FAT1: variants seen among roughly 807,000 people sequenced by gnomAD.
FAT1 encodes the protein FAT atypical cadherin 1.
In FAT1, 171 loss-of-function variants were observed where a neutral mutation model predicts 329.8. That is an observed-to-expected ratio of 0.52 (90% CI 0.46 to 0.59). The LOEUF (loss-of-function observed/expected upper bound fraction) is 0.59. Among genes scored for constraint, FAT1 ranks in the 20% least tolerant of loss-of-function variants. The pLI is 0.00. For missense variants in FAT1, 5,672 were observed against 5,774.4 expected (o/e 0.98, Z 0.57); for synonymous variants, 2,233 against 2,228.6 (o/e 1.00, Z -0.06).
chr4:186,660,248 T>C (rs115472023), intron 3 of FAT1, among the ~76,000 whole-genome samples: 4,598 of 152,242 alleles, frequency 0.03, 226 homozygotes, highest in African/African-American at 0.11. Flanking sequence ...GGGAACAGTC[T>C]GCTTTAAAGG....
intron 20 of FAT1, among the ~76,000 whole-genome samples, chr4:186,602,556 T>C (rs1229812092): frequency 6.6e-6 from 1 of 152,216 alleles, no homozygotes; most frequent in Non-Finnish European, 1.5e-5. Context: ...CTCTTTACCA[T>C]ACTGCTAAGT....
rs2126400031 is a variant in FAT1 at position 186,597,779 on chromosome 4, G to T, written c.12271C>A (p.Pro4091Thr). 1 of 1,613,312 alleles carries T rather than the reference G, an allele frequency of 6.2e-7. No homozygotes were observed. Among genetic ancestry groups the T allele is most frequent in the South Asian group, 1.1e-5 (1 of 91,052 alleles). ...TTACAGGGTTCATCTTTGCAGTATG[G>T]ACTAAGCTGACACCTGAAGAGTAAG... ...LYTGQRCQLS[P>T]YCKDEPCKNG... is the part of the protein sequence containing the mutation. Residue 4091 changes from proline to threonine, a missense_variant, in exon 24 of 27, where the codon CCA becomes ACA. Physicochemically the swap from Pro to Thr is conservative, Grantham distance 38. Around this residue, in one of 2 missense-constraint regions of FAT1, gnomAD observed 1,706 missense variants for 1,859.1 expected, o/e 0.92. Transcript: ENST00000441802.
At chr4:186,659,260 C>T (rs1037082779) in intron 3 of FAT1, among the ~76,000 whole-genome samples, 12 of 152,268 alleles carry the variant, frequency 7.9e-5, no homozygotes, top group Admixed American at 4.6e-4. Flanking sequence ...GTCCACACAA[C>T]GACAAAATCG....
chr4:186,602,610 A>C (rs981665605), intron 20 of FAT1, among the ~76,000 whole-genome samples: 2 of 152,098 alleles, frequency 1.3e-5, no homozygotes, highest in African/African-American at 4.8e-5. Flanking sequence ...AGATATGATC[A>C]CTCTTGAATT....
chr4:186,625,947 AGAAT>A (rs1219153436), intron 9 of FAT1, among the ~76,000 whole-genome samples: 9 of 151,340 alleles, frequency 5.9e-5, no homozygotes, highest in African/African-American at 2.2e-4. Context: ...ACCAGCCCAC[AGAAT>A]GAATGAATGA....
chr4:186,649,729 C>T (rs1475967227), intron 3 of FAT1, among the ~76,000 whole-genome samples: 3 of 152,060 alleles, frequency 2.0e-5, no homozygotes, highest in South Asian at 2.1e-4. Flanking sequence ...CCTCCAGAAC[C>T]GCGACAGAAT....
In FAT1 at chr4:186,611,657, T is replaced by C. The variant is rs369191197; in HGVS notation, c.9582A>G (p.Val3194=). The change falls in exon 14 of 27, where the codon GTA becomes GTG. Residue 3194 remains valine, a synonymous_variant. Transcript: ENST00000441802. Reference sequence around the variant, plus strand: ...CCACAGCTTTCAAAGAGAGGGTGTATACTGCCTGGAGTTCTCTGTCCAAAG... The same window carrying C: ...CCACAGCTTTCAAAGAGAGGGTGTACACTGCCTGGAGTTCTCTGTCCAAAG... The part of the protein sequence containing the change: ...EKPLDRELQA[V]YTLSLKAVDQ... 7 of 1,612,772 alleles carry C rather than the reference T, an allele frequency of 4.3e-6. No individual in the cohort carries two copies. The African/African-American group carries it at 9.3e-5, about 22-fold the overall frequency.
In FAT1 at chr4:186,663,566, A is replaced by G; in HGVS notation, c.3313T>C (p.Tyr1105His). 6.2e-7 allele frequency: 1 copy of G among 1,612,724 alleles called. No individual in the cohort carries two copies. The highest frequency in any genetic ancestry group is 8.5e-7 in the Non-Finnish European group (1 of 1,179,868). ...DRLDRESTSHYWLTVFATDQG... is the reference protein window; with the variant it reads ...DRLDRESTSHHWLTVFATDQG... ...TCGGTTGCAAAGACTGTTAGCCAAT[A>G]ATGGGAGGTCGATTCACGGTCCAGT... Residue 1105 changes from tyrosine (Y) to histidine (H), a missense_variant, in exon 3 of 27, where the codon TAT becomes CAT. Tyr to His is a moderately conservative substitution (Grantham distance 83). Transcript: ENST00000441802.
In FAT1 at chr4:186,663,476, T is replaced by C; in HGVS notation, c.3403A>G (p.Asn1135Asp). The C allele has an allele frequency of 6.2e-7, 1 of 1,614,064 alleles. No individual in the cohort carries two copies. ...IYIEVEDVNDNAPQTSEPVYY... is the reference protein window; with the variant it reads ...IYIEVEDVNDDAPQTSEPVYY... ...ACAGGCTCTGATGTCTGTGGTGCATTGTCATTGACATCCTCAACCTCTATG... is the reference window on the plus strand; with the variant it reads ...ACAGGCTCTGATGTCTGTGGTGCATCGTCATTGACATCCTCAACCTCTATG... The change falls in exon 3 of 27, where the codon AAT becomes GAT. Residue 1135 changes from asparagine to aspartate, a missense_variant. By Grantham distance (23) the Asn-to-Asp change is conservative. Around this residue, in one of 2 missense-constraint regions of FAT1, gnomAD observed 3,966 missense variants for 3,915.2 expected, o/e 1.01. Transcript: ENST00000441802.
Position 186,589,047 on chromosome 4 carries a change from G to T in FAT1, c.13312C>A (p.Pro4438Thr), listed in dbSNP as rs1352392821. The change falls in exon 27 of 27, where the codon CCC becomes ACC. Residue 4438 changes from proline to threonine, a missense_variant. Pro to Thr is a conservative substitution (Grantham distance 38). Coordinates refer to ENST00000441802, the MANE Select transcript of FAT1 (RefSeq NM_005245.4). The part of the protein sequence containing the change: ...GYDIESDFPP[P>T]PEDFPAADEL... ...TCAGCTGCGGGGAAGTCTTCTGGGG[G>T]TGGAGGAAAATCACTTTCGATGTCG... 2 of 1,613,948 alleles carry T rather than the reference G, an allele frequency of 1.2e-6. No individual in the cohort carries two copies. Among genetic ancestry groups the T allele is most frequent in the Non-Finnish European group, 1.7e-6 (2 of 1,179,888 alleles).
chr4:186,629,976 G>A (rs1320454549), intron 7 of FAT1, among the ~76,000 whole-genome samples: 1 of 152,198 alleles, frequency 6.6e-6, no homozygotes, highest in Non-Finnish European at 1.5e-5. Flanking sequence ...CTTTTCCCAT[G>A]TAGTGGGTAC....
intron 9 of FAT1, among the ~76,000 whole-genome samples, chr4:186,623,756 T>C (rs893765121): frequency 1.1e-4 from 16 of 152,174 alleles, no homozygotes; most frequent in Admixed American, 1.0e-3. Context: ...CATCCTCTCC[T>C]GGAAGAGTCT....
In FAT1 at chr4:186,636,206, T is replaced by C. The variant is rs1397644089; in HGVS notation, c.4002A>G (p.Gln1334=). 9.9e-6 allele frequency: 16 copies of C among 1,614,034 alleles called. No individual in the cohort carries two copies. Among genetic ancestry groups the C allele is most frequent in the Non-Finnish European group, 1.4e-5 (16 of 1,179,890 alleles). Reference sequence around the variant, plus strand: ...TATGGAGTCTGGTGGTTGATGACTTTTGAGGGCGACCATTGTCAACTGCCT... The same window carrying C: ...TATGGAGTCTGGTGGTTGATGACTTCTGAGGGCGACCATTGTCAACTGCCT... ...SIKAVDNGRP[Q]KSSTTRLHIE... Residue 1334 remains glutamine (Q), a synonymous_variant, in exon 6 of 27, where the codon CAA becomes CAG. Coordinates refer to ENST00000441802, the MANE Select transcript of FAT1 (RefSeq NM_005245.4).
intron 2 of FAT1, among the ~76,000 whole-genome samples, chr4:186,676,703 G>A (rs894195221): frequency 6.6e-6 from 1 of 152,200 alleles, no homozygotes; most frequent in African/African-American, 2.4e-5. Flanking sequence ...TCCTGTTACA[G>A]TCAAGCACTA....
intron 2 of FAT1, among the ~76,000 whole-genome samples, chr4:186,664,436 G>A (rs1742336175): frequency 6.6e-6 from 1 of 152,170 alleles, no homozygotes; most frequent in African/African-American, 2.4e-5. Flanking sequence ...AAATACACAA[G>A]TGAAATATCT....
intron 1 of FAT1, among the ~76,000 whole-genome samples, chr4:186,716,028 A>G (rs552116409): frequency 5.1e-4 from 77 of 152,268 alleles, no homozygotes; most frequent in African/African-American, 1.7e-3. Flanking sequence ...CTAACTGCAT[A>G]TATTCAAGTG....
At position 186,601,258 on chromosome 4, in the gene FAT1, G is replaced by A. The variant is rs752271412; in HGVS notation, c.11640+11C>T. 8.3e-6 allele frequency: 13 copies of A among 1,562,946 alleles called. No individual in the cohort carries two copies. In the South Asian group the frequency reaches 1.3e-4, roughly 15 times the overall value. ...TCTTCCACTAAGATGCAACGCTGTG[G>A]AGAAACATACCTCCAAGATGCTATA... On this transcript the variant is annotated intron_variant, in intron 21 of 26. Coordinates refer to ENST00000441802, the MANE Select transcript of FAT1 (RefSeq NM_005245.4).
Position 186,645,403 on chromosome 4 carries a change from ATATATATATATATATATAT to A in FAT1, c.3581-5639_3581-5621del, listed in dbSNP as rs1560962450. ...TATATATATATATATATATATATATATATATATATATATATATATGCCTGTAAAAAACTGAGATATATCC... is the reference window on the plus strand; with the variant it reads ...TATATATATATATATATATATATATAGCCTGTAAAAAACTGAGATATATCC... On this transcript the variant is annotated intron_variant, in intron 3 of 26. Coordinates refer to ENST00000441802, the MANE Select transcript of FAT1 (RefSeq NM_005245.4). Among the ~76,000 whole-genome samples the A allele has an allele frequency of 4.3e-4, 45 of 104,188 alleles. 1 individual carries two copies. Among genetic ancestry groups the A allele is most frequent in the African/African-American group, 1.6e-3 (43 of 26,498 alleles). 68.4% of individuals were successfully genotyped at this position (104,188 alleles called of 152,430 possible).
At chr4:186,609,394 T>C in intron 15 of FAT1, 74 bp from the exon 16 acceptor site, 1 of 1,510,498 alleles carries the variant, frequency 6.6e-7, no homozygotes, top group Non-Finnish European at 8.9e-7. Flanking sequence ...ATTTGTGATA[T>C]TAATAGCTTA....
Sources: allele counts gnomAD v4.1 joint callset (sites outside exome capture counted in the v4.1 genomes callset), GRCh38; gene constraint gnomAD v4.1.1; regional missense constraint gnomAD v4.1.1; transcripts MANE v1.5; gene names NCBI Gene and HGNC (gene_info 2026-07-23, HGNC 2026-07-21).